The following ZNF839 variants were observed in gnomAD, a reference collection of about 807,000 sequenced individuals.
The protein encoded by ZNF839 is renal carcinoma antigen NY-REN-50.
ZNF839 carries 38 observed loss-of-function variants against 56.4 expected under a neutral mutation model. The observed-to-expected ratio is 0.67, with a 90% CI of 0.52 to 0.88. The LOEUF (loss-of-function observed/expected upper bound fraction) is 0.88, where lower values mean the gene tolerates loss of function less well. ZNF839 is among the 40% of genes least tolerant of loss of function. ZNF839 has a pLI of 0.00. For missense variants in ZNF839, 1,091 were observed against 1,177.6 expected (o/e 0.93, Z 1.08); for synonymous variants, 486 against 493.5 (o/e 0.98, Z 0.20).
At position 102,326,795 on chromosome 14, in the gene ZNF839, C is replaced by T. The variant is rs1166960957; in HGVS notation, c.1099C>T (p.Leu367=). The change falls in exon 2 of 8, where the codon CTG becomes TTG. Residue 367 remains leucine, a synonymous_variant. Transcript: ENST00000442396. This position sits in a 1 kb window ranked among gnomAD's most constrained non-coding sequence, Gnocchi z 4.3. ...GTGCACGGAGGAAAGGACGCTCAGCCTGACCTCCCTGGGGCTGTCCATGCC... is the reference window on the plus strand; with the variant it reads ...GTGCACGGAGGAAAGGACGCTCAGCTTGACCTCCCTGGGGCTGTCCATGCC... ...RGCTEERTLS[L]TSLGLSMPAD... 1 of 1,612,020 alleles carries T rather than the reference C, an allele frequency of 6.2e-7. No homozygotes were observed. The highest frequency in any genetic ancestry group is 8.5e-7 in the Non-Finnish European group (1 of 1,179,174).
chr14:102,326,100 G>T lies in ZNF839; in HGVS notation c.404G>T (p.Arg135Leu). ...ACTGCAAGAAAGAGCCAGCTGCCCC[G>T]GGGGAATTCCTGCCTGGTGGGGCTC... Reference protein sequence around the residue: ...PQTARKSQLPRGNSCLVGLHI... With the variant: ...PQTARKSQLPLGNSCLVGLHI... The change falls in exon 2 of 8, where the codon CGG (arginine) becomes CTG (leucine). Residue 135 changes from arginine (R) to leucine (L), a missense_variant. Physicochemically the swap from Arg to Leu is moderately radical, Grantham distance 102 (BLOSUM62 -2). Coordinates refer to ENST00000442396, the MANE Select transcript of ZNF839 (RefSeq NM_018335.6). This position sits in a 1 kb window ranked among gnomAD's most constrained non-coding sequence, Gnocchi z 4.3. 6.2e-7 allele frequency: 1 copy of T among 1,613,854 alleles called. No homozygotes were observed. Among genetic ancestry groups the T allele is most frequent in the Non-Finnish European group, 8.5e-7 (1 of 1,179,824 alleles).
chr14:102,338,829 T>G lies in ZNF839; in HGVS notation c.1673T>G (p.Leu558Ter), dbSNP rs1344784534. The G allele has an allele frequency of 5.6e-6, 9 of 1,613,796 alleles. No individual in the cohort carries two copies. Among genetic ancestry groups the G allele is most frequent in the Non-Finnish European group, 7.6e-6 (9 of 1,179,900 alleles). Residue 558 changes from leucine (L) to a stop codon, truncating the protein, a stop_gained, in exon 6 of 8, where the codon TTA becomes TGA. Transcript: ENST00000442396. LOFTEE classifies it high-confidence loss of function. Reference protein sequence around the residue: ...EINNDKVAESLGITEFLRKKE... With the variant: ...EINNDKVAES ...ATTTCTTTTCAGGTTGCTGAGTCAT[T>G]AGGAATCACAGAATTCCTACGGAAG...
chr14:102,341,482 C>T lies in ZNF839; in HGVS notation c.2087C>T (p.Ser696Leu), dbSNP rs759364972. The T allele has an allele frequency of 6.9e-6, 11 of 1,597,688 alleles. No individual in the cohort carries two copies. The African/African-American group carries it at 1.5e-4, about 21-fold the overall frequency. Residue 696 changes from serine (S) to leucine (L), a missense_variant, in exon 8 of 8, where the codon TCA becomes TTA. Physicochemically the swap from Ser to Leu is moderately radical, Grantham distance 145 (BLOSUM62 -2). This residue lies in a region of ZNF839 where 431 missense variants were observed against 468.0 expected (regional missense o/e 0.92). Coordinates refer to ENST00000442396, the MANE Select transcript of ZNF839 (RefSeq NM_018335.6). ...AGGGGGTCTATAGGTGCTGCTCTCT[C>T]ATCCCGGGATGTCAGTGGGCTGCCT... ...ARRGSIGAAL[S>L]SRDVSGLPVY...
rs951454172 is a variant in ZNF839 at position 102,341,405 on chromosome 14, C to T, written c.2010C>T (p.Ser670=). 11 of 1,575,474 alleles carry T rather than the reference C, an allele frequency of 7.0e-6. No homozygotes were observed. Among genetic ancestry groups the T allele is most frequent in the East Asian group, 4.5e-5 (2 of 44,450 alleles). The stretch of plus-strand genomic sequence containing the variant: ...CGACGGTTTCTGGTGGCAATGGGAG[C>T]GTGTTCCAGGCGGGCCCGCAGCTTC... ...HTTTVSGGNG[S]VFQAGPQLQA... The change falls in exon 8 of 8, where the codon AGC becomes AGT. Residue 670 remains serine, a synonymous_variant. Transcript: ENST00000442396.
chr14:102,333,686 C>A (rs1428168901), intron 3 of ZNF839, among the ~76,000 whole-genome samples: 1 of 152,138 alleles, frequency 6.6e-6, no homozygotes, highest in African/African-American at 2.4e-5. Flanking sequence ...GTTTCCCAGG[C>A]CTTCTTCCCT....
At chr14:102,319,698 T>G (rs1389958604), upstream of ZNF839, 5 of 1,218,942 alleles carry the variant, frequency 4.1e-6, no homozygotes, top group Admixed American at 2.1e-4. The surrounding 1 kb of genome is among the most constrained non-coding windows in gnomAD (Gnocchi z 4.5). Flanking sequence ...CCCGCCCCTC[T>G]CCTAGGTGAC....
chr14:102,329,704 T>C (rs2139517882), intron 2 of ZNF839, among the ~76,000 whole-genome samples: 1 of 139,776 alleles, frequency 7.2e-6, no homozygotes, highest in Non-Finnish European at 1.5e-5. Context: ...AATTCTAATA[T>C]TTGTGTGTGT....
Position 102,319,916 on chromosome 14 carries a change from G to T in ZNF839, c.151G>T (p.Ala51Ser). 8.2e-7 allele frequency: 1 copy of T among 1,216,198 alleles called. No homozygotes were observed. The highest frequency in any genetic ancestry group is 1.0e-6 in the Non-Finnish European group (1 of 972,746). The allele number at this position is 1,216,198 out of a possible 1,614,324, so 75.3% of individuals were successfully genotyped here. Residue 51 changes from alanine to serine, a missense_variant, in exon 1 of 8, where the codon GCG (alanine) becomes TCG (serine). Around this residue, in one of 3 missense-constraint regions of ZNF839, gnomAD observed 614 missense variants for 629.2 expected, o/e 0.98. Transcript: ENST00000442396. This position sits in a 1 kb window ranked among gnomAD's most constrained non-coding sequence, Gnocchi z 4.5. ...GCAGGTCCTGGAGCAGGTGACGAAG[G>T]CGCAGCCGCCGCCGCCGCCGCCCCC... ...LRQVLEQVTKAQPPPPPPPFV... is the reference protein window; with the variant it reads ...LRQVLEQVTKSQPPPPPPPFV...
intron 5 of ZNF839, chr14:102,337,530 G>A (rs566108543): frequency 3.3e-5 from 5 of 152,160 alleles, no homozygotes; most frequent in African/African-American, 4.8e-5. Context: ...TCATGTAGAT[G>A]CCCTCCACAG....
At chr14:102,329,569 GA>G (rs2073663104) in intron 2 of ZNF839, among the ~76,000 whole-genome samples, 1 of 151,758 alleles carries the variant, frequency 6.6e-6, no homozygotes, top group Non-Finnish European at 1.5e-5. Flanking sequence ...ACTTTTAGTA[GA>G]GACGGGGTTT....
At position 102,326,228 on chromosome 14, in the gene ZNF839, G is replaced by C; in HGVS notation, c.532G>C (p.Val178Leu). The C allele has an allele frequency of 6.2e-7, 1 of 1,613,942 alleles. No individual in the cohort carries two copies. The highest frequency in any genetic ancestry group is 8.5e-7 in the Non-Finnish European group (1 of 1,179,880). ...ATGCCAACCTCCTGCTCAGGGGTTT[G>C]TACAGAGACCACTGCCAGCCCTCCA... ...DLCQPPAQGF[V>L]QRPLPALQVV... The change falls in exon 2 of 8, where the codon GTA becomes CTA. Residue 178 changes from valine (V) to leucine (L), a missense_variant. Val to Leu is a conservative substitution (Grantham distance 32). Coordinates refer to ENST00000442396, the MANE Select transcript of ZNF839 (RefSeq NM_018335.6). This position sits in a 1 kb window ranked among gnomAD's most constrained non-coding sequence, Gnocchi z 4.3.
chr14:102,341,134 C>A (rs1597738290), intron 7 of ZNF839, 189 bp from the exon 8 acceptor site: 8 of 342,344 alleles, frequency 2.3e-5, no homozygotes, highest in East Asian at 1.1e-4. Flanking sequence ...AATACAAAAT[C>A]TGTCTTTGTG....
At chr14:102,323,120 A>G (rs947863165) in intron 1 of ZNF839, among the ~76,000 whole-genome samples, 4 of 152,260 alleles carry the variant, frequency 2.6e-5, no homozygotes, top group African/African-American at 9.6e-5. Flanking sequence ...GGGTCACACC[A>G]GAAGGTTGAG....
At chr14:102,338,309 G>A (rs899314715) in intron 5 of ZNF839, among the ~76,000 whole-genome samples, 5 of 152,118 alleles carry the variant, frequency 3.3e-5, no homozygotes, top group African/African-American at 1.2e-4. Context: ...AGGCTGAGGC[G>A]GGTGGATCAC....
intron 5 of ZNF839, 134 bp downstream of exon 5, chr14:102,335,972 A>C (rs1047131972): frequency 9.9e-7 from 1 of 1,005,966 alleles, no homozygotes; most frequent in Admixed American, 2.8e-5. Context: ...TGAGGTCAGG[A>C]GTTTGAGACC....
chr14:102,318,919 A>G (rs2072981568), upstream of ZNF839, among the ~76,000 whole-genome samples: 1 of 152,184 alleles, frequency 6.6e-6, no homozygotes, highest in African/African-American at 2.4e-5. Context: ...CGGTTCACCC[A>G]CCAGGTGCTT....
At chr14:102,338,983 A>G (rs369552890) in intron 6 of ZNF839, 30 bp downstream of exon 6, 64 of 1,613,840 alleles carry the variant, frequency 4.0e-5, no homozygotes, top group Non-Finnish European at 4.7e-5. Flanking sequence ...GTGCCAGGTG[A>G]CTGTGCACGG....
chr14:102,336,272 T>C (rs1293046678), intron 5 of ZNF839, among the ~76,000 whole-genome samples: 1 of 152,166 alleles, frequency 6.6e-6, no homozygotes, highest in Admixed American at 6.5e-5. Context: ...TTTAGCTTTT[T>C]CCCATCAAGT....
At chr14:102,327,445 C>T (rs950056433) in intron 2 of ZNF839, among the ~76,000 whole-genome samples, 2 of 152,092 alleles carry the variant, frequency 1.3e-5, no homozygotes, top group Non-Finnish European at 2.9e-5. Context: ...CTGGCCACCA[C>T]ACACTTTTAA....
Sources: allele counts gnomAD v4.1 joint callset (sites outside exome capture counted in the v4.1 genomes callset), GRCh38; gene constraint gnomAD v4.1.1; regional missense constraint gnomAD v4.1.1; non-coding constraint Gnocchi (gnomAD v3.1); transcripts MANE v1.5; gene names NCBI Gene and HGNC (gene_info 2026-07-23, HGNC 2026-07-21).